The following ERBB4 variants were observed in gnomAD, a reference collection of about 807,000 sequenced individuals.
ERBB4 encodes the protein receptor tyrosine-protein kinase erbB-4.
Under a neutral mutation model 158.0 loss-of-function variants are expected in ERBB4, and 42 were observed. The observed-to-expected ratio is 0.27, with a 90% confidence interval of 0.21 to 0.34. The LOEUF (loss-of-function observed/expected upper bound fraction) is 0.34, where lower values mean the gene tolerates loss of function less well. ERBB4 is among the 10% of genes least tolerant of loss of function. ERBB4 has a pLI of 1.00. For synonymous variants in ERBB4, 583 were observed against 558.7 expected (o/e 1.04, Z -0.61); for missense variants, 1,333 against 1,624.1 (o/e 0.82, Z 3.08).
rs16846514 is a variant in ERBB4 at position 211,575,862 on chromosome 2, G to C, written c.2302-13774C>G. Among the ~76,000 whole-genome samples, 826 of 151,944 alleles carry C rather than the reference G, an allele frequency of 5.4e-3. 7 individuals are homozygous for C. The highest frequency in any genetic ancestry group is 0.019 in the African/African-American group (799 of 41,440). The stretch of plus-strand genomic sequence containing the variant: ...TCTCTTATAGCTTCATGCTTATGTA[G>C]GATAATTTATATGTAGAAATCATTT... On this transcript the variant is annotated intron_variant, in intron 19 of 27. Coordinates refer to ENST00000342788, the MANE Select transcript of ERBB4 (RefSeq NM_005235.3).
chr2:212,489,996 T>C (rs1690184030), intron 1 of ERBB4, among the ~76,000 whole-genome samples: 1 of 151,848 alleles, frequency 6.6e-6, no homozygotes. Flanking sequence ...GTTCTAAGAA[T>C]ATTGAACTAC....
At chr2:211,902,774 A>T (rs2079272422) in intron 3 of ERBB4, among the ~76,000 whole-genome samples, 1 of 151,884 alleles carries the variant, frequency 6.6e-6, no homozygotes. Context: ...AACTATAAAA[A>T]ATCATAGATT....
At chr2:211,674,969 A>T (rs2071999545) in intron 13 of ERBB4, among the ~76,000 whole-genome samples, 1 of 152,172 alleles carries the variant, frequency 6.6e-6, no homozygotes, top group Non-Finnish European at 1.5e-5. Flanking sequence ...ACAATCATGG[A>T]GATGGCCTAT....
chr2:211,453,972 C>T (rs2064316340), intron 20 of ERBB4, among the ~76,000 whole-genome samples: 2 of 152,056 alleles, frequency 1.3e-5, no homozygotes, highest in South Asian at 4.1e-4. Flanking sequence ...GGAGAAAGTC[C>T]AATGTTCAAT....
At position 211,411,578 on chromosome 2, in the gene ERBB4, A is replaced by C. The variant is rs375606974; in HGVS notation, c.3135+8863T>G. Among the ~76,000 whole-genome samples, 23 of 152,326 alleles carry C rather than the reference A, an allele frequency of 1.5e-4. No homozygotes were observed. The South Asian group carries it at 4.8e-3, about 32-fold the overall frequency. On this transcript the variant is annotated intron_variant, in intron 25 of 27. Transcript: ENST00000342788. Reference sequence around the variant, plus strand: ...AACAGAAAGCACCAACATGATCTATATTTTGAAAGAGATCAATGTTGGGAT... The same window carrying C: ...AACAGAAAGCACCAACATGATCTATCTTTTGAAAGAGATCAATGTTGGGAT...
intron 10 of ERBB4, among the ~76,000 whole-genome samples, chr2:211,704,662 C>T (rs560690232): frequency 1.1e-4 from 16 of 152,276 alleles, no homozygotes; most frequent in African/African-American, 3.6e-4. Flanking sequence ...GAACACATTA[C>T]ATGCTTAATA....
chr2:211,419,867 T>G (rs900437307), intron 25 of ERBB4, among the ~76,000 whole-genome samples: 19 of 152,078 alleles, frequency 1.2e-4, no homozygotes, highest in Non-Finnish European at 2.2e-4. Context: ...GTAAAGTGTT[T>G]TCAGAAACTT....
chr2:212,111,885 T>A (rs955597337), intron 2 of ERBB4, among the ~76,000 whole-genome samples: 2 of 152,182 alleles, frequency 1.3e-5, no homozygotes, highest in Admixed American at 6.5e-5. Context: ...AACCTTTTTT[T>A]TTTGCACTTA....
chr2:211,965,440 C>T (rs972625126), intron 2 of ERBB4, among the ~76,000 whole-genome samples: 4 of 151,916 alleles, frequency 2.6e-5, no homozygotes, highest in Admixed American at 2.0e-4. Flanking sequence ...AAAAGATTTG[C>T]CTGATATAGT....
At chr2:212,287,044 G>GACACA in intron 1 of ERBB4, among the ~76,000 whole-genome samples, 1 of 151,884 alleles carries the variant, frequency 6.6e-6, no homozygotes, top group South Asian at 2.1e-4. Flanking sequence ...ACAACGCGCT[G>GACACA]ACACAACGAC....
chr2:211,696,966 G>A (rs1054149571), intron 12 of ERBB4, among the ~76,000 whole-genome samples: 6 of 152,120 alleles, frequency 3.9e-5, no homozygotes, highest in Non-Finnish European at 8.8e-5. Flanking sequence ...CACCATGCCC[G>A]GCCAATATTT....
chr2:212,156,245 A>G (rs1211459618), intron 1 of ERBB4, among the ~76,000 whole-genome samples: 1 of 152,124 alleles, frequency 6.6e-6, no homozygotes. Context: ...TAAAATTCCA[A>G]TGTGTTTAAA....
intron 19 of ERBB4, among the ~76,000 whole-genome samples, chr2:211,611,264 G>C: frequency 6.6e-6 from 1 of 151,980 alleles, no homozygotes; most frequent in Admixed American, 6.6e-5. Flanking sequence ...TTAACCAATC[G>C]GGCCCGCCAA....
chr2:211,681,660 G>A (rs1423132022), intron 12 of ERBB4, among the ~76,000 whole-genome samples: 1 of 151,930 alleles, frequency 6.6e-6, no homozygotes, highest in Admixed American at 6.6e-5. Context: ...TACATATCTC[G>A]TTTGGTCAAG....
At chr2:211,666,611 A>G (rs184067281) in intron 14 of ERBB4, among the ~76,000 whole-genome samples, 31 of 152,310 alleles carry the variant, frequency 2.0e-4, no homozygotes, top group Admixed American at 1.9e-3. Context: ...GGTAAATGCT[A>G]TCTTTCTTAA....
chr2:212,270,852 C>T (rs114326716), intron 1 of ERBB4, among the ~76,000 whole-genome samples: 1,589 of 151,628 alleles, frequency 0.01, 24 homozygotes, highest in African/African-American at 0.036. Context: ...GAGAGAGAGA[C>T]CTGACTATTT....
chr2:212,416,127 T>C (rs867684452), intron 1 of ERBB4, among the ~76,000 whole-genome samples: 5 of 152,166 alleles, frequency 3.3e-5, no homozygotes, highest in African/African-American at 4.8e-5. Flanking sequence ...GCTAGTGTGA[T>C]TGAAGAGACA....
At chr2:211,892,880 A>G (rs1404948862) in intron 3 of ERBB4, among the ~76,000 whole-genome samples, 2 of 142,728 alleles carry the variant, frequency 1.4e-5, no homozygotes, top group African/African-American at 5.6e-5. Flanking sequence ...TTCAAGGAGA[A>G]CTACAAACCA....
chr2:212,108,120 C>G (rs1575643565), intron 2 of ERBB4, among the ~76,000 whole-genome samples: 3 of 151,932 alleles, frequency 2.0e-5, no homozygotes, highest in African/African-American at 7.2e-5. Flanking sequence ...TCTATTTTTC[C>G]ATTAATTATT....
Sources: gnomAD v4.1 joint callset for allele counts (sites outside exome capture counted in the v4.1 genomes callset) on GRCh38, gnomAD v4.1.1 for gene constraint, MANE v1.5 for transcripts, NCBI Gene and HGNC (gene_info 2026-07-23, HGNC 2026-07-21) for gene names.